The following ERC1 variants were observed in gnomAD, a reference collection of about 807,000 sequenced individuals.
ERC1 encodes the protein ELKS/RAB6-interacting/CAST family member 1.
ERC1 carries 56 observed loss-of-function variants against 132.0 expected under a neutral mutation model. The ratio of observed to expected loss-of-function variants is 0.42; its 90% CI spans 0.34 to 0.53. The LOEUF is 0.53. Among genes scored for constraint, ERC1 ranks in the 20% least tolerant of loss-of-function variants. The pLI is 0.03. For missense variants in ERC1, 1,202 were observed against 1,349.9 expected (o/e 0.89, Z 1.72); for synonymous variants, 478 against 476.1 (o/e 1.00, Z -0.05).
chr12:1,083,284 G>A lies in ERC1; in HGVS notation c.790G>A (p.Glu264Lys). The A allele has an allele frequency of 6.2e-7, 1 of 1,614,222 alleles. No individual in the cohort carries two copies. ...CGAACCTTGTGTAGCAGAGCTGACA[G>A]AGGAGAACTTTCAGAGGCTTCATGC... ...TGEPCVAELT[E>K]ENFQRLHAEH... Residue 264 changes from glutamate (E) to lysine (K), a missense_variant, in exon 3 of 19, where the codon GAG (glutamate) becomes AAG (lysine). Transcript: ENST00000360905.
intron 15 of ERC1, among the ~76,000 whole-genome samples, chr12:1,320,308 C>A (rs957601539): frequency 6.6e-6 from 1 of 152,204 alleles, no homozygotes; most frequent in Non-Finnish European, 1.5e-5. Flanking sequence ...GGCTCTACCC[C>A]ACATGTGCTC....
intron 14 of ERC1, among the ~76,000 whole-genome samples, chr12:1,280,448 C>G (rs1343896547): frequency 2.6e-5 from 4 of 152,170 alleles, no homozygotes; most frequent in Non-Finnish European, 5.9e-5. Context: ...AATAAAGATG[C>G]ATTAAAATTA....
chr12:1,336,663 C>T (rs1233012296), intron 15 of ERC1, among the ~76,000 whole-genome samples: 1 of 151,980 alleles, frequency 6.6e-6, no homozygotes, highest in Non-Finnish European at 1.5e-5. Context: ...ATTTTCTGTC[C>T]AATTATGTGG....
chr12:1,204,638 TA>T (rs1957198006), intron 12 of ERC1: 11 of 914,266 alleles, frequency 1.2e-5, no homozygotes, highest in Non-Finnish European at 1.7e-5. Flanking sequence ...GCTGTGAGGA[TA>T]AAATGTCAAG....
chr12:1,154,200 A>G (rs1382906580), intron 8 of ERC1, among the ~76,000 whole-genome samples: 2 of 127,902 alleles, frequency 1.6e-5, no homozygotes, highest in Admixed American at 8.6e-5. Flanking sequence ...GTAGTATTCC[A>G]TGGTGTGTGT....
At chr12:1,016,572 G>C (rs929444082) in intron 1 of ERC1, among the ~76,000 whole-genome samples, 1 of 151,598 alleles carries the variant, frequency 6.6e-6, no homozygotes, top group Non-Finnish European at 1.5e-5. Flanking sequence ...GGGGTGAGGC[G>C]AGACTGGGGC....
intron 15 of ERC1, among the ~76,000 whole-genome samples, chr12:1,352,586 C>T (rs903384232): frequency 2.0e-5 from 3 of 150,608 alleles, no homozygotes; most frequent in Admixed American, 6.6e-5. Flanking sequence ...ATTCAGAAAA[C>T]ATCACATTGA....
chr12:1,379,376 C>T (rs1220881216), intron 16 of ERC1, among the ~76,000 whole-genome samples: 1 of 152,172 alleles, frequency 6.6e-6, no homozygotes, highest in Non-Finnish European at 1.5e-5. Context: ...CTTGAAGATC[C>T]AGTGGCAGCC....
intron 7 of ERC1, among the ~76,000 whole-genome samples, chr12:1,131,760 A>G (rs4388954): frequency 0.93 from 141,979 of 152,196 alleles, 67,002 homozygotes; most frequent in East Asian, 1. Flanking sequence ...CACCGCGCCC[A>G]GCCAGAATTA....
intron 13 of ERC1, among the ~76,000 whole-genome samples, chr12:1,253,435 G>A (rs2076586372): frequency 6.6e-6 from 1 of 152,160 alleles, no homozygotes; most frequent in Non-Finnish European, 1.5e-5. Context: ...CCAGCACTTT[G>A]GGAAGCCGAG....
chr12:1,164,575 C>G (rs748320524), intron 8 of ERC1, among the ~76,000 whole-genome samples: 1 of 151,982 alleles, frequency 6.6e-6, no homozygotes, highest in Non-Finnish European at 1.5e-5. Flanking sequence ...CTCCTGACCT[C>G]GTGATCCGCC....
chr12:1,168,479 C>CTTTTT (rs746267742), intron 8 of ERC1, among the ~76,000 whole-genome samples: 9 of 91,976 alleles, frequency 9.8e-5, no homozygotes, highest in Non-Finnish European at 1.6e-4. Context: ...AGTGACTGGT[C>CTTTTT]TTTTTTTTTT....
chr12:1,441,202 G>T (rs935398258), intron 17 of ERC1, among the ~76,000 whole-genome samples: 4 of 152,020 alleles, frequency 2.6e-5, no homozygotes, highest in South Asian at 4.1e-4. Context: ...GGGATTACAG[G>T]CATGCGCCAC....
At chr12:1,402,721 C>G (rs2091183038) in intron 16 of ERC1, among the ~76,000 whole-genome samples, 1 of 151,344 alleles carries the variant, frequency 6.6e-6, no homozygotes. Context: ...AAACTAAAAG[C>G]TAGCTCTTAG....
intron 18 of ERC1, among the ~76,000 whole-genome samples, chr12:1,457,814 G>A (rs533593844): frequency 6.6e-6 from 1 of 152,082 alleles, no homozygotes; most frequent in East Asian, 1.9e-4. Context: ...GGTCACTTGA[G>A]CCCAGCAGGT....
intron 17 of ERC1, among the ~76,000 whole-genome samples, chr12:1,438,971 A>ATATATATATATATATATAT (rs879572392): frequency 2.1e-5 from 3 of 144,436 alleles, no homozygotes; most frequent in Admixed American, 6.7e-5. Flanking sequence ...ATATATATAT[A>ATATATATATATATATATAT]AAAAATGACA....
chr12:1,028,001 G>A lies in ERC1; in HGVS notation c.98G>A (p.Arg33His), dbSNP rs771209499. 1.2e-5 allele frequency: 20 copies of A among 1,614,042 alleles called. No individual in the cohort carries two copies. Among genetic ancestry groups the A allele is most frequent in the African/African-American group, 2.7e-5 (2 of 74,918 alleles). The change falls in exon 2 of 19, where the codon CGT becomes CAT. Residue 33 changes from arginine (R) to histidine (H), a missense_variant. By Grantham distance (29) the Arg-to-His change is conservative. Transcript: ENST00000360905. ...RLPRSPRLGHRRTNSTGGSSG... is the reference protein window; with the variant it reads ...RLPRSPRLGHHRTNSTGGSSG... The stretch of plus-strand genomic sequence containing the variant: ...CCACGTTCCCCTCGCTTGGGTCACC[G>A]TCGAACCAACAGTACGGGAGGGAGT...
chr12:1,146,612 GT>G (rs146362967), intron 8 of ERC1, among the ~76,000 whole-genome samples: 14,920 of 137,942 alleles, frequency 0.11, 867 homozygotes, highest in South Asian at 0.19. Context: ...TTCCAGTACT[GT>G]TTTTTTTTTT....
intron 15 of ERC1, among the ~76,000 whole-genome samples, chr12:1,340,888 CTG>C (rs1254931879): frequency 6.6e-6 from 1 of 152,052 alleles, no homozygotes; most frequent in Non-Finnish European, 1.5e-5. Flanking sequence ...GCATGAGCCA[CTG>C]TGTCCAGCCT....
Sources: gnomAD v4.1 joint callset for allele counts (sites outside exome capture counted in the v4.1 genomes callset) on GRCh38, gnomAD v4.1.1 for gene constraint, MANE v1.5 for transcripts, NCBI Gene and HGNC (gene_info 2026-07-23, HGNC 2026-07-21) for gene names.